SMARCC1: variants seen among roughly 807,000 people sequenced by gnomAD.
SMARCC1 encodes the protein SWI/SNF complex subunit SMARCC1.
SMARCC1 carries 43 observed loss-of-function variants against 147.4 expected under a neutral mutation model. The ratio of observed to expected loss-of-function variants is 0.29; its 90% CI spans 0.23 to 0.38. The LOEUF (loss-of-function observed/expected upper bound fraction) is 0.38. Ranked by LOEUF, SMARCC1 falls within the 10% of genes least tolerant of loss-of-function variation. The pLI, the probability that SMARCC1 is intolerant of heterozygous loss-of-function variation, is 1.00. For synonymous variants in SMARCC1, 495 were observed against 484.4 expected (o/e 1.02, Z -0.29); for missense variants, 1,119 against 1,381.1 (o/e 0.81, Z 3.01).
At chr3:47,777,957 G>A (rs969394735) in intron 1 of SMARCC1, among the ~76,000 whole-genome samples, 1 of 151,700 alleles carries the variant, frequency 6.6e-6, no homozygotes, top group East Asian at 1.9e-4. Flanking sequence ...TGTAATCCCA[G>A]TACTTTGGGA....
chr3:47,724,739 G>C (rs2034278424), intron 6 of SMARCC1, among the ~76,000 whole-genome samples: 1 of 152,050 alleles, frequency 6.6e-6, no homozygotes, highest in South Asian at 2.1e-4. Context: ...TATCAGTTCT[G>C]CCAGATGAAA....
rs1026262862 is a variant in SMARCC1 at position 47,745,984 on chromosome 3, A to G, written c.325T>C (p.Phe109Leu). Residue 109 changes from phenylalanine (F) to leucine (L), a missense_variant, in exon 3 of 28, where the codon TTC (phenylalanine) becomes CTC (leucine). Physicochemically the swap from Phe to Leu is conservative, Grantham distance 22. Around this residue, in one of 6 missense-constraint regions of SMARCC1, gnomAD observed 542 missense variants for 611.8 expected, o/e 0.89. Coordinates refer to ENST00000254480, the MANE Select transcript of SMARCC1 (RefSeq NM_003074.4). ...GCGCCTCCAGCTTTGAAATCCATGA[A>G]ACACTTTGCCTAAAAATGATACAAA... The part of the protein sequence containing the change: ...PAFTKLPAKC[F>L]MDFKAGGALC... 6.3e-7 allele frequency: 1 copy of G among 1,578,434 alleles called. No individual in the cohort carries two copies.
chr3:47,676,666 G>A lies in SMARCC1; in HGVS notation c.1688C>T (p.Pro563Leu), dbSNP rs764350532. ...AAGATGCAGAGGCACAAGCCCAGAG[G>A]GGGTATCAGCTAATACATTAAAATG... ...TPHFNVLADT[P>L]SGLVPLHLRS... Residue 563 changes from proline to leucine, a missense_variant, in exon 17 of 28, where the codon CCC becomes CTC. Physicochemically the swap from Pro to Leu is moderately conservative, Grantham distance 98 (BLOSUM62 -3). This residue lies in a region of SMARCC1 where 178 missense variants were observed against 264.6 expected (regional missense o/e 0.67). Transcript: ENST00000254480. 9 of 1,613,848 alleles carry A rather than the reference G, an allele frequency of 5.6e-6. No individual in the cohort carries two copies. The highest frequency in any genetic ancestry group is 7.6e-6 in the Non-Finnish European group (9 of 1,179,870).
chr3:47,706,280 C>T (rs1407777704), intron 10 of SMARCC1, 129 bp downstream of exon 10: 1 of 799,788 alleles, frequency 1.3e-6, no homozygotes, highest in Admixed American at 4.2e-5. Context: ...CCATGTTGGC[C>T]AGGCTGGATT....
Position 47,723,473 on chromosome 3 carries a change from T to C in SMARCC1, c.647-2738A>G, listed in dbSNP as rs542593031. On this transcript the variant is annotated intron_variant, in intron 6 of 27. Transcript: ENST00000254480. ...AGGGTGACGGAATGAAATTCTGTCT[T>C]AAAAAAAAAAAAATTTAAAAGGCCT... Among the ~76,000 whole-genome samples the C allele has an allele frequency of 2.2e-5, 3 of 138,572 alleles. No homozygotes were observed. The Admixed American group carries it at 2.2e-4, about 10-fold the overall frequency. 90.9% of individuals were successfully genotyped at this position (138,572 alleles called of 152,430 possible).
intron 11 of SMARCC1, among the ~76,000 whole-genome samples, chr3:47,699,869 A>G (rs2033896692): frequency 6.6e-6 from 1 of 151,696 alleles, no homozygotes; most frequent in African/African-American, 2.4e-5. Context: ...TATTTTACAA[A>G]TTTCTCAATA....
At chr3:47,633,357 G>T (rs533589478) in intron 24 of SMARCC1, among the ~76,000 whole-genome samples, 2 of 152,068 alleles carry the variant, frequency 1.3e-5, no homozygotes, top group African/African-American at 4.8e-5. Flanking sequence ...GGAAAATGAT[G>T]GAACCAGGAG....
chr3:47,701,738 C>T (rs918465817), intron 10 of SMARCC1: 3 of 209,590 alleles, frequency 1.4e-5, no homozygotes, highest in Non-Finnish European at 1.9e-5. Context: ...CGCTTGAACC[C>T]GGAAGGTGGA....
chr3:47,705,094 C>T (rs2106791733), intron 10 of SMARCC1, among the ~76,000 whole-genome samples: 1 of 151,498 alleles, frequency 6.6e-6, no homozygotes, highest in East Asian at 1.9e-4. Flanking sequence ...GAGGCCGAGG[C>T]AGGTGGATCA....
intron 26 of SMARCC1, among the ~76,000 whole-genome samples, chr3:47,608,173 C>T (rs1233489043): frequency 5.3e-5 from 8 of 152,138 alleles, no homozygotes; most frequent in Admixed American, 3.9e-4. Context: ...CTGCAACCTC[C>T]GCCTCCTAGG....
At chr3:47,747,874 T>G (rs150723777) in intron 2 of SMARCC1, among the ~76,000 whole-genome samples, 65 of 152,072 alleles carry the variant, frequency 4.3e-4, no homozygotes, top group Middle Eastern at 3.4e-3. Flanking sequence ...ATACAAAAAT[T>G]AGGCCAGGCA....
chr3:47,612,052 T>C (rs1471816199), intron 25 of SMARCC1, among the ~76,000 whole-genome samples: 2 of 152,164 alleles, frequency 1.3e-5, no homozygotes, highest in African/African-American at 2.4e-5. Flanking sequence ...GGCTCTTCAT[T>C]TTCTGGGAAA....
intron 1 of SMARCC1, 64 bp downstream of exon 1, chr3:47,781,539 G>C: frequency 1.6e-6 from 2 of 1,249,480 alleles, no homozygotes; most frequent in Non-Finnish European, 2.1e-6. Flanking sequence ...AGGCCCGCGA[G>C]GCCAGCTGCC....
intron 24 of SMARCC1, among the ~76,000 whole-genome samples, chr3:47,633,666 C>A (rs2032921861): frequency 6.8e-6 from 1 of 145,998 alleles, no homozygotes; most frequent in Non-Finnish European, 1.5e-5. Flanking sequence ...ATCGCTGGAA[C>A]CCAGGAGGCG....
intron 3 of SMARCC1, among the ~76,000 whole-genome samples, chr3:47,741,942 C>T (rs2034514902): frequency 6.6e-6 from 1 of 151,350 alleles, no homozygotes; most frequent in Non-Finnish European, 1.5e-5. Flanking sequence ...GTGGGGATGG[C>T]CTCCAGGGTA....
intron 11 of SMARCC1, among the ~76,000 whole-genome samples, chr3:47,699,628 G>A (rs7374842): frequency 0.23 from 35,060 of 151,472 alleles, 5,223 homozygotes; most frequent in Admixed American, 0.3. Context: ...CTATACATAG[G>A]TATATACATA....
rs537934928 is a variant in SMARCC1, at chr3:47,726,890, C to CT, written c.646+2134dup. Among the ~76,000 whole-genome samples the CT allele has an allele frequency of 7.8e-4, 118 of 150,422 alleles. 1 individual carries two copies. Among genetic ancestry groups the CT allele is most frequent in the East Asian group, 2.1e-3 (11 of 5,122 alleles). The stretch of plus-strand genomic sequence containing the variant: ...TGTTATTAGCATGTGTTAAAATTTC[C>CT]TTTTTTTTTCAAGGCTGAATAATAT... On this transcript the variant is annotated intron_variant, in intron 6 of 27. Coordinates refer to ENST00000254480, the MANE Select transcript of SMARCC1 (RefSeq NM_003074.4).
chr3:47,742,082 T>C (rs904755820), intron 3 of SMARCC1, among the ~76,000 whole-genome samples: 3 of 152,108 alleles, frequency 2.0e-5, no homozygotes, highest in Admixed American at 6.6e-5. Flanking sequence ...TTTTAGAAGT[T>C]TGCTTCTGAT....
At chr3:47,739,219 A>G (rs758680111) in intron 3 of SMARCC1, among the ~76,000 whole-genome samples, 25 of 152,354 alleles carry the variant, frequency 1.6e-4, no homozygotes, top group Middle Eastern at 3.4e-3. Context: ...CTTCATAAAT[A>G]TAACAGCTTA....
Sources: allele counts gnomAD v4.1 joint callset (sites outside exome capture counted in the v4.1 genomes callset), GRCh38; gene constraint gnomAD v4.1.1; regional missense constraint gnomAD v4.1.1; transcripts MANE v1.5; gene names NCBI Gene and HGNC (gene_info 2026-07-23, HGNC 2026-07-21).